The following PDZRN3 variants were observed in gnomAD, a reference collection of about 807,000 sequenced individuals.
The protein encoded by PDZRN3 is E3 ubiquitin-protein ligase PDZRN3.
In PDZRN3, 38 loss-of-function variants were observed where a neutral mutation model predicts 85.7. That is an observed-to-expected ratio of 0.44 (90% CI 0.34 to 0.58). The LOEUF is 0.58. PDZRN3 is among the 20% of genes least tolerant of loss of function. PDZRN3 has a pLI of 0.01. For synonymous variants in PDZRN3, 759 were observed against 638.0 expected (o/e 1.19, Z -2.86); for missense variants, 1,629 against 1,506.4 (o/e 1.08, Z -1.35).
chr3:73,433,611 T>G (rs112930676), intron 3 of PDZRN3: 57,809 of 1,472,294 alleles, frequency 0.039, 1,393 homozygotes, highest in Middle Eastern at 0.081. Flanking sequence ...GCCTATGCAC[T>G]TCTATGGAAT....
chr3:73,453,433 A>G (rs1702914086), intron 3 of PDZRN3, among the ~76,000 whole-genome samples: 1 of 150,646 alleles, frequency 6.6e-6, no homozygotes, highest in Non-Finnish European at 1.5e-5. Flanking sequence ...ACAAAAAAAA[A>G]AAACAAAGAA....
chr3:73,404,762 G>A (rs1306166545), intron 3 of PDZRN3, among the ~76,000 whole-genome samples: 1 of 152,228 alleles, frequency 6.6e-6, no homozygotes, highest in Non-Finnish European at 1.5e-5. Context: ...ACATTGTTAT[G>A]TTTTAATAGT....
Position 73,383,705 on chromosome 3 carries a change from C to A in PDZRN3, c.2861G>T (p.Arg954Leu), listed in dbSNP as rs370428084. 4 of 1,611,510 alleles carry A rather than the reference C, an allele frequency of 2.5e-6. No homozygotes were observed. The highest frequency in any genetic ancestry group is 3.4e-6 in the Non-Finnish European group (4 of 1,180,000). Residue 954 changes from arginine to leucine, a missense_variant, in exon 10 of 10, where the codon CGC (arginine) becomes CTC (leucine). Coordinates refer to ENST00000263666, the MANE Select transcript of PDZRN3 (RefSeq NM_015009.3). ...RERALKIREE[R>L]SGMTTDDDAV... The stretch of plus-strand genomic sequence containing the variant: ...GTCGTCGTCGGTGGTCATGCCGCTG[C>A]GCTCTTCCCGGATCTTCAGGGCGCG...
intron 3 of PDZRN3, among the ~76,000 whole-genome samples, chr3:73,517,681 A>G (rs11128343): frequency 0.69 from 104,962 of 152,118 alleles, 36,397 homozygotes; most frequent in East Asian, 0.89. Flanking sequence ...TGTAATTTAC[A>G]CATCTGCTTT....
chr3:73,487,067 T>A lies in PDZRN3; in HGVS notation c.919-82672A>T, dbSNP rs368480729. On this transcript the variant is annotated intron_variant, in intron 3 of 9. Coordinates refer to ENST00000263666, the MANE Select transcript of PDZRN3 (RefSeq NM_015009.3). The stretch of plus-strand genomic sequence containing the variant: ...TCAAAACTTCTCATCTACATGAGAA[T>A]CAAATGGATTTTTATAGCAATATAA... Among the ~76,000 whole-genome samples the A allele has an allele frequency of 2.8e-3, 425 of 152,330 alleles. 2 individuals are homozygous for A. The highest frequency in any genetic ancestry group is 3.6e-3 in the Non-Finnish European group (243 of 68,034).
intron 3 of PDZRN3, among the ~76,000 whole-genome samples, chr3:73,541,658 T>C (rs1473323455): frequency 3.9e-5 from 6 of 152,242 alleles, no homozygotes; most frequent in Non-Finnish European, 8.8e-5. Context: ...GTTGGACTTC[T>C]ATAGCAATTT....
intron 3 of PDZRN3, among the ~76,000 whole-genome samples, chr3:73,561,088 A>C (rs1220940592): frequency 6.6e-6 from 1 of 152,234 alleles, no homozygotes; most frequent in Non-Finnish European, 1.5e-5. Context: ...TAAACTTTAC[A>C]CACATGACTT....
intron 3 of PDZRN3, among the ~76,000 whole-genome samples, chr3:73,476,270 G>A (rs913486055): frequency 6.6e-6 from 1 of 152,190 alleles, no homozygotes; most frequent in Non-Finnish European, 1.5e-5. Flanking sequence ...TACAATCATG[G>A]CAGAAGGTGA....
chr3:73,385,123 ACTTATT>A (rs889216832), intron 9 of PDZRN3, among the ~76,000 whole-genome samples, 193 bp from the exon 10 acceptor site: 4 of 152,202 alleles, frequency 2.6e-5, no homozygotes, highest in Non-Finnish European at 2.9e-5. Flanking sequence ...TGGGCAAGTC[ACTTATT>A]CTTGTTCTTG....
At chr3:73,508,652 A>G (rs942982339) in intron 3 of PDZRN3, among the ~76,000 whole-genome samples, 10 of 152,184 alleles carry the variant, frequency 6.6e-5, no homozygotes, top group African/African-American at 2.2e-4. Flanking sequence ...GGAGGGTATT[A>G]GCTCCCAGGT....
At chr3:73,438,117 C>A (rs1347355583) in intron 3 of PDZRN3, among the ~76,000 whole-genome samples, 2 of 152,188 alleles carry the variant, frequency 1.3e-5, no homozygotes, top group Non-Finnish European at 2.9e-5. Flanking sequence ...GGGTGCTCTG[C>A]ACCATCAGAC....
chr3:73,479,745 C>T (rs1703526105), intron 3 of PDZRN3, among the ~76,000 whole-genome samples: 1 of 152,200 alleles, frequency 6.6e-6, no homozygotes, highest in Admixed American at 6.5e-5. Flanking sequence ...GGCCTGTGCT[C>T]CCAATGCCTT....
At chr3:73,540,347 C>CA (rs1704890772) in intron 3 of PDZRN3, among the ~76,000 whole-genome samples, 2 of 151,964 alleles carry the variant, frequency 1.3e-5, no homozygotes, top group African/African-American at 4.8e-5. Flanking sequence ...AAAACAAAAC[C>CA]AAAAAACATG....
intron 3 of PDZRN3, among the ~76,000 whole-genome samples, chr3:73,517,384 T>C (rs1704274664): frequency 1.3e-5 from 2 of 152,224 alleles, no homozygotes; most frequent in South Asian, 4.1e-4. Flanking sequence ...CTGGTCATGT[T>C]TCTATGTGAA....
At chr3:73,513,524 C>A (rs371101171) in intron 3 of PDZRN3, among the ~76,000 whole-genome samples, 1 of 152,154 alleles carries the variant, frequency 6.6e-6, no homozygotes, top group Non-Finnish European at 1.5e-5. Context: ...TTAACCAATG[C>A]CCCTGAGAAG....
intron 3 of PDZRN3, among the ~76,000 whole-genome samples, chr3:73,452,864 T>TGTGC: frequency 6.6e-6 from 1 of 151,900 alleles, no homozygotes; most frequent in Admixed American, 6.6e-5. Context: ...TGTGTGTGTG[T>TGTGC]GTGTGTGTGT....
At chr3:73,600,787 T>C (rs576731409) in intron 3 of PDZRN3, among the ~76,000 whole-genome samples, 1 of 152,298 alleles carries the variant, frequency 6.6e-6, no homozygotes, top group African/African-American at 2.4e-5. Flanking sequence ...TTTTGAACAA[T>C]AGTCTCAGAA....
intron 3 of PDZRN3, among the ~76,000 whole-genome samples, chr3:73,532,544 ATATTGT>A (rs1704683620): frequency 6.6e-6 from 1 of 152,194 alleles, no homozygotes; most frequent in Non-Finnish European, 1.5e-5. Context: ...ACTCACTGTG[ATATTGT>A]TACTTCTGGC....
At chr3:73,466,457 G>C (rs9857164) in intron 3 of PDZRN3, among the ~76,000 whole-genome samples, 4 of 152,160 alleles carry the variant, frequency 2.6e-5, no homozygotes, top group African/African-American at 9.7e-5. Context: ...GTGATGAAAT[G>C]ATGGTAAAAA....
Sources: allele counts gnomAD v4.1 joint callset (sites outside exome capture counted in the v4.1 genomes callset), GRCh38; gene constraint gnomAD v4.1.1; transcripts MANE v1.5; gene names NCBI Gene and HGNC (gene_info 2026-07-23, HGNC 2026-07-21).